The following RIIAD1 variants were observed in gnomAD, a reference collection of about 807,000 sequenced individuals.
The protein encoded by RIIAD1 is RIIa domain-containing protein 1.
Under a neutral mutation model 13.3 loss-of-function variants are expected in RIIAD1, and 15 were observed. That is an observed-to-expected ratio of 1.13 (90% CI 0.76 to 1.74). RIIAD1 has a LOEUF of 1.74. RIIAD1 is among the 40% of genes most tolerant of loss of function. The probability of loss-of-function intolerance (pLI) is 0.00; values close to 1 mark genes in which losing one functional copy is unlikely to be tolerated. For missense variants in RIIAD1, 121 were observed against 112.2 expected (o/e 1.08, Z -0.35); for synonymous variants, 50 against 43.3 (o/e 1.16, Z -0.61).
intron 4 of RIIAD1, chr1:151,715,704 C>T (rs1673423161): frequency 2.6e-6 from 4 of 1,549,210 alleles, no homozygotes; most frequent in East Asian, 2.4e-5. Flanking sequence ...ACCGGGGTTT[C>T]CTGATCACTC....
upstream of RIIAD1, among the ~76,000 whole-genome samples, chr1:151,718,757 G>A (rs1039945573): frequency 5.9e-5 from 9 of 152,274 alleles, no homozygotes; most frequent in Admixed American, 2.0e-4. Context: ...CAGAAGAAGC[G>A]AATGACGGCA....
chr1:151,715,734 C>T (rs1673426625), intron 4 of RIIAD1: 3 of 1,585,262 alleles, frequency 1.9e-6, no homozygotes, highest in Non-Finnish European at 1.7e-6. Context: ...TCTTTTTCAG[C>T]TCCTCCATCC....
At chr1:151,725,271 C>T (rs181561601) in intron 2 of RIIAD1, among the ~76,000 whole-genome samples, 118 of 151,638 alleles carry the variant, frequency 7.8e-4, no homozygotes, top group African/African-American at 2.5e-3. Flanking sequence ...CCACCAGGCC[C>T]GGCTAATTTT....
chr1:151,725,533 AATACACATGGTACT>A (rs1294994611), intron 2 of RIIAD1, among the ~76,000 whole-genome samples: 1 of 152,172 alleles, frequency 6.6e-6, no homozygotes, highest in African/African-American at 2.4e-5. Context: ...AGAGGGTGAA[AATACACATGGTACT>A]ATTGTTCAGA....
At chr1:151,714,516 G>A (rs1473463464) in exon 4 of RIIAD1, 1 of 1,006,340 alleles carries the variant, frequency 9.9e-7, no homozygotes, top group Non-Finnish European at 1.5e-6. Flanking sequence ...ATTATGCTCA[G>A]TGTCAGGAGG....
At chr1:151,715,678 C>A (rs1673420104) in intron 4 of RIIAD1, 2 of 1,525,438 alleles carry the variant, frequency 1.3e-6, no homozygotes, top group African/African-American at 1.4e-5. Context: ...CCAAAAGAGG[C>A]CCTCCTTAGT....
intron 4 of RIIAD1, among the ~76,000 whole-genome samples, chr1:151,715,279 T>A (rs1673383473): frequency 6.6e-6 from 1 of 152,048 alleles, no homozygotes; most frequent in Admixed American, 6.6e-5. Flanking sequence ...GCACAGCCCT[T>A]GGATAGGCCT....
At chr1:151,711,840 G>T (rs1249082196) in exon 2 of RIIAD1, 1 of 152,252 alleles carries the variant, frequency 6.6e-6, no homozygotes, top group Non-Finnish European at 1.5e-5. Context: ...TGTTCTAGAT[G>T]GAGATGGGAA....
chr1:151,715,118 G>T (rs878775), intron 4 of RIIAD1, among the ~76,000 whole-genome samples: 1 of 151,784 alleles, frequency 6.6e-6, no homozygotes, highest in Non-Finnish European at 1.5e-5. Context: ...GGTGGAGGAC[G>T]GAGAGTGAAA....
At chr1:151,713,788 G>A (rs902381088) in intron 3 of RIIAD1, among the ~76,000 whole-genome samples, 2 of 152,226 alleles carry the variant, frequency 1.3e-5, no homozygotes, top group East Asian at 1.9e-4. Flanking sequence ...GGGTTTGGGT[G>A]GATTTGCCGC....
At chr1:151,715,536 A>C (rs1673405327) in intron 4 of RIIAD1, 2 of 1,065,454 alleles carry the variant, frequency 1.9e-6, no homozygotes, top group Admixed American at 4.5e-5. Flanking sequence ...ACACACACAC[A>C]CCCCTACCCA....
At chr1:151,727,430 G>A (rs1673851763) in intron 2 of RIIAD1, 145 bp from the exon 3 acceptor site, 1 of 681,728 alleles carries the variant, frequency 1.5e-6, no homozygotes, top group Admixed American at 2.5e-5. Flanking sequence ...GAATGAAAGG[G>A]TCTTTGTCAG....
intron 2 of RIIAD1, among the ~76,000 whole-genome samples, chr1:151,713,088 G>A (rs1197838998): frequency 6.6e-6 from 1 of 152,228 alleles, no homozygotes; most frequent in Non-Finnish European, 1.5e-5. Flanking sequence ...CCTCTTGGAG[G>A]ATGGAACCCT....
intron 3 of RIIAD1, chr1:151,728,257 G>A (rs1673867003): frequency 6.0e-6 from 1 of 166,682 alleles, no homozygotes; most frequent in Admixed American, 5.8e-5. Context: ...CTCATCTGGC[G>A]TCATCCTGCG....
chr1:151,718,581 G>T (rs915234069), upstream of RIIAD1, among the ~76,000 whole-genome samples: 4 of 151,676 alleles, frequency 2.6e-5, no homozygotes, highest in African/African-American at 4.9e-5. Context: ...CTGTTTTTTT[G>T]TTGTGGCCTG....
At chr1:151,722,273 C>A in intron 2 of RIIAD1, 111 bp downstream of exon 2, 2 of 724,102 alleles carry the variant, frequency 2.8e-6, no homozygotes, top group Non-Finnish European at 4.8e-6. Context: ...TATTCATTTA[C>A]TTTAACCATA....
chr1:151,725,637 C>T (rs536591877), intron 2 of RIIAD1, among the ~76,000 whole-genome samples: 3 of 152,268 alleles, frequency 2.0e-5, no homozygotes, highest in African/African-American at 7.2e-5. Context: ...AGCCAGTATC[C>T]TGACTTCTAC....
intron 4 of RIIAD1, among the ~76,000 whole-genome samples, chr1:151,729,281 G>T (rs1647263723): frequency 6.6e-6 from 1 of 152,162 alleles, no homozygotes; most frequent in Non-Finnish European, 1.5e-5. Context: ...TCTGGAAGGG[G>T]TGTGAGCAGT....
intron 4 of RIIAD1, chr1:151,715,895 C>T (rs1236789052): frequency 3.7e-6 from 6 of 1,613,802 alleles, no homozygotes; most frequent in African/African-American, 1.3e-5. Context: ...GCCCGGTGTA[C>T]TTGTCCTTGA....
Sources: gnomAD v4.1 joint callset for allele counts (sites outside exome capture counted in the v4.1 genomes callset) on GRCh38, gnomAD v4.1.1 for gene constraint, MANE v1.5 for transcripts, NCBI Gene and HGNC (gene_info 2026-07-23, HGNC 2026-07-21) for gene names.